Variants in AATK observed in about 807,000 individuals in gnomAD.
AATK encodes the protein serine/threonine-protein kinase LMTK1.
AATK carries 91 observed loss-of-function variants against 114.3 expected under a neutral mutation model. That is an observed-to-expected ratio of 0.80 (90% CI 0.67 to 0.95). The LOEUF is 0.95. AATK is among the 40% of genes least tolerant of loss of function. The probability of loss-of-function intolerance (pLI) is 0.00; values close to 1 mark genes in which losing one functional copy is unlikely to be tolerated. For missense variants in AATK, 2,176 were observed against 1,965.2 expected (o/e 1.11, Z -2.03); for synonymous variants, 1,075 against 916.5 (o/e 1.17, Z -3.12).
At chr17:81,127,420 C>G (rs1598921964) in intron 6 of AATK, among the ~76,000 whole-genome samples, 163 bp downstream of exon 6, 1 of 152,020 alleles carries the variant, frequency 6.6e-6, no homozygotes, top group Admixed American at 6.5e-5. Context: ...GAGGCTAGGT[C>G]TCCCCATCGC....
chr17:81,142,953 GC>G (rs912789637), intron 1 of AATK, among the ~76,000 whole-genome samples: 3 of 152,238 alleles, frequency 2.0e-5, no homozygotes, highest in African/African-American at 7.2e-5. Flanking sequence ...GGGACTCTGG[GC>G]CACACACAGA....
intron 9 of AATK, among the ~76,000 whole-genome samples, chr17:81,124,378 A>C (rs1182107010): frequency 6.6e-6 from 1 of 152,090 alleles, no homozygotes. Flanking sequence ...GCACGGCCCG[A>C]CCTACGCTCC....
At chr17:81,120,122 G>C in intron 11 of AATK, 39 bp from the exon 12 acceptor site, 2 of 1,475,846 alleles carry the variant, frequency 1.4e-6, no homozygotes, top group Non-Finnish European at 1.8e-6. Context: ...TCGGCCGCCA[G>C]GAGCCGCGGC....
chr17:81,130,742 G>A (rs1007629503), intron 3 of AATK, among the ~76,000 whole-genome samples: 19 of 144,556 alleles, frequency 1.3e-4, no homozygotes, highest in African/African-American at 4.0e-4. Context: ...CCCCTGCCCC[G>A]TGCCCACCCC....
rs1459268361 is a variant in AATK at position 81,118,447 on chromosome 17, C to T, written c.4085-5G>A. The T allele has an allele frequency of 3.7e-6, 6 of 1,605,664 alleles. No homozygotes were observed. The highest frequency in any genetic ancestry group is 4.2e-6 in the Non-Finnish European group (5 of 1,176,942). On this transcript the variant is annotated splice_polypyrimidine_tract_variant and splice_region_variant and intron_variant, in intron 13 of 13. Coordinates refer to ENST00000326724, the MANE Select transcript of AATK (RefSeq NM_001080395.3). Reference sequence around the variant, plus strand: ...CCCCGGCACCAGCTTCAGGTCCTGGCAAGCAGGACAACAAAGTGAACACAG... The same window carrying T: ...CCCCGGCACCAGCTTCAGGTCCTGGTAAGCAGGACAACAAAGTGAACACAG...
intron 1 of AATK, among the ~76,000 whole-genome samples, chr17:81,137,528 C>T (rs1347755998): frequency 6.6e-6 from 1 of 152,148 alleles, no homozygotes; most frequent in Non-Finnish European, 1.5e-5. Flanking sequence ...TCTCTGTGCC[C>T]TCATCAGAGG....
In AATK at chr17:81,120,689, G is replaced by A. The variant is rs1410218662; in HGVS notation, c.3247C>T (p.Pro1083Ser). ...PSGLVPEPPE[P>S]QGPAKVRPGP... ...GGCCGCACCTTGGCTGGGCCTTGGG[G>A]CTCCGGAGGCTCTGGGACCAGGCCC... Residue 1083 changes from proline to serine, a missense_variant, in exon 11 of 14, where the codon CCC (proline) becomes TCC (serine). Coordinates refer to ENST00000326724, the MANE Select transcript of AATK (RefSeq NM_001080395.3). The A allele has an allele frequency of 1.3e-6, 2 of 1,514,918 alleles. No homozygotes were observed. The highest frequency in any genetic ancestry group is 1.8e-6 in the Non-Finnish European group (2 of 1,131,748). 93.8% of individuals were successfully genotyped at this position (1,514,918 alleles called of 1,614,324 possible). A position where few individuals can be genotyped will look rare whatever the true frequency, so the allele number is the denominator to read the frequency against.
chr17:81,151,966 C>T (rs1053950376), intron 1 of AATK, among the ~76,000 whole-genome samples: 9 of 152,170 alleles, frequency 5.9e-5, no homozygotes, highest in Admixed American at 2.6e-4. Context: ...GGCAGTGCCA[C>T]GCTTGCCTTC....
chr17:81,133,045 A>G, intron 2 of AATK: 1 of 316,584 alleles, frequency 3.2e-6, no homozygotes, highest in Middle Eastern at 1.2e-3. Context: ...ATCCCCAGGA[A>G]GGCGCCTGCG....
At chr17:81,147,474 T>C (rs1035390552) in intron 1 of AATK, among the ~76,000 whole-genome samples, 2 of 152,120 alleles carry the variant, frequency 1.3e-5, no homozygotes, top group Non-Finnish European at 2.9e-5. Flanking sequence ...TTTAAGACTA[T>C]GTTTTAGGCC....
intron 1 of AATK, among the ~76,000 whole-genome samples, chr17:81,150,590 C>A (rs1456083668): frequency 6.6e-6 from 1 of 152,284 alleles, no homozygotes; most frequent in Non-Finnish European, 1.5e-5. Context: ...TCCCCTATCA[C>A]AGCCAGAACC....
At chr17:81,149,412 C>T (rs2146386447) in intron 1 of AATK, among the ~76,000 whole-genome samples, 1 of 152,246 alleles carries the variant, frequency 6.6e-6, no homozygotes, top group Admixed American at 6.5e-5. Context: ...AACCTAACCC[C>T]TTCCCCCACC....
chr17:81,128,598 C>G (rs768327838), intron 3 of AATK, 49 bp from the exon 4 acceptor site: 39 of 1,546,088 alleles, frequency 2.5e-5, no homozygotes, highest in Non-Finnish European at 3.1e-5. Flanking sequence ...TCCGCACCCC[C>G]CAGCTTCCTC....
chr17:81,120,007 G>A lies in AATK; in HGVS notation c.3812C>T (p.Pro1271Leu). Residue 1271 changes from proline to leucine, a missense_variant, in exon 12 of 14, where the codon CCC becomes CTC. Pro to Leu is a moderately conservative substitution (Grantham distance 98). Around this residue, in one of 4 missense-constraint regions of AATK, gnomAD observed 1,701 missense variants for 1,394.7 expected, o/e 1.22. Transcript: ENST00000326724. ...ESPPTFLRGS[P>L]GSPSAPNRPQ... ...CCGGTTGGGGGCGCTGGGAGAGCCG[G>A]GGCTCCCCCTAAGGAACGTAGGGGG... 6.9e-7 allele frequency: 1 copy of A among 1,447,904 alleles called. No homozygotes were observed. The highest frequency in any genetic ancestry group is 9.1e-7 in the Non-Finnish European group (1 of 1,099,856). 89.7% of individuals were successfully genotyped at this position (1,447,904 alleles called of 1,614,324 possible).
intron 2 of AATK, among the ~76,000 whole-genome samples, chr17:81,134,090 C>T (rs566856897): frequency 5.9e-5 from 9 of 152,318 alleles, no homozygotes; most frequent in African/African-American, 2.2e-4. Flanking sequence ...CCTCAGCCTC[C>T]GTGAGTGCTC....
intron 1 of AATK, among the ~76,000 whole-genome samples, chr17:81,137,666 G>A (rs1030825008): frequency 6.6e-6 from 1 of 152,088 alleles, no homozygotes; most frequent in African/African-American, 2.4e-5. Context: ...GCACACAAAT[G>A]CCCACGTATG....
At chr17:81,161,354 C>T (rs1438071817) in intron 1 of AATK, among the ~76,000 whole-genome samples, 2 of 152,216 alleles carry the variant, frequency 1.3e-5, no homozygotes, top group South Asian at 2.1e-4. Flanking sequence ...CGCCACTCCT[C>T]CTCTTTCTAT....
At position 81,122,176 on chromosome 17, in the gene AATK, G is replaced by A. The variant is rs1423025030; in HGVS notation, c.1760C>T (p.Pro587Leu). The A allele has an allele frequency of 2.0e-6, 3 of 1,511,514 alleles. No individual in the cohort carries two copies. Among genetic ancestry groups the A allele is most frequent in the Admixed American group, 4.1e-5 (2 of 48,630 alleles). 93.6% of individuals were successfully genotyped at this position (1,511,514 alleles called of 1,614,324 possible). ...LLGHGPPVDVPWGRGDHYPRR... is the reference protein window; with the variant it reads ...LLGHGPPVDVLWGRGDHYPRR... ...AGGGTAGTGGTCGCCGCGGCCCCAG[G>A]GGACGTCGACGGGTGGCCCGTGGCC... Residue 587 changes from proline to leucine, a missense_variant, in exon 11 of 14, where the codon CCC (proline) becomes CTC (leucine). By Grantham distance (98) the Pro-to-Leu change is moderately conservative. This residue lies in a region of AATK where 1,701 missense variants were observed against 1,394.7 expected (regional missense o/e 1.22). Coordinates refer to ENST00000326724, the MANE Select transcript of AATK (RefSeq NM_001080395.3).
intron 1 of AATK, among the ~76,000 whole-genome samples, chr17:81,157,986 G>T (rs913631963): frequency 7.2e-5 from 11 of 152,236 alleles, no homozygotes; most frequent in Non-Finnish European, 1.3e-4. Context: ...GACCTGCACG[G>T]ACTGAGTCCC....
Sources: allele counts gnomAD v4.1 joint callset (sites outside exome capture counted in the v4.1 genomes callset), GRCh38; gene constraint gnomAD v4.1.1; regional missense constraint gnomAD v4.1.1; transcripts MANE v1.5; gene names NCBI Gene and HGNC (gene_info 2026-07-23, HGNC 2026-07-21).